TMPRSS13: variants seen among roughly 807,000 people sequenced by gnomAD.
TMPRSS13 encodes the protein transmembrane protease serine 13.
In TMPRSS13, 50 loss-of-function variants were observed where a neutral mutation model predicts 68.4. That is an observed-to-expected ratio of 0.73 (90% CI 0.58 to 0.93). The LOEUF (loss-of-function observed/expected upper bound fraction) is 0.93. TMPRSS13 is among the 40% of genes least tolerant of loss of function. The probability of loss-of-function intolerance (pLI) is 0.00; values close to 1 mark genes in which losing one functional copy is unlikely to be tolerated. For synonymous variants in TMPRSS13, 267 were observed against 285.8 expected (o/e 0.93, Z 0.66); for missense variants, 615 against 729.2 (o/e 0.84, Z 1.80).
chr11:117,918,888 C>T (rs763673372), intron 1 of TMPRSS13, 50 bp from the exon 2 acceptor site: 31 of 1,603,090 alleles, frequency 1.9e-5, no homozygotes, highest in Non-Finnish European at 2.6e-5. Context: ...TGCCAACCCA[C>T]CCCAGCTGTC....
At position 117,905,082 on chromosome 11, in the gene TMPRSS13, A is replaced by G. The variant is rs551497422; in HGVS notation, c.1381+556T>C. Among the ~76,000 whole-genome samples, 7 of 151,096 alleles carry G rather than the reference A, an allele frequency of 4.6e-5. 1 individual carries two copies. The highest frequency in any genetic ancestry group is 1.5e-4 in the African/African-American group (6 of 41,144). On this transcript the variant is annotated intron_variant, in intron 10 of 12. Transcript: ENST00000524993. ...GCTAATTTTTCTATTTTTTGTAGAG[A>G]TGGGGTTTTGCCATGATGCCCAGGC...
chr11:117,903,937 C>A, intron 11 of TMPRSS13, 22 bp downstream of exon 11: 1 of 1,608,010 alleles, frequency 6.2e-7, no homozygotes, highest in Admixed American at 1.7e-5. Context: ...GGGACCTGAG[C>A]CCCACCCACA....
rs768279245 is a variant in TMPRSS13 at position 117,913,874 on chromosome 11, T to C, written c.712A>G (p.Ile238Val). Residue 238 changes from isoleucine (I) to valine (V), a missense_variant, in exon 5 of 13, where the codon ATC (isoleucine) becomes GTC (valine). By Grantham distance (29) the Ile-to-Val change is conservative. Coordinates refer to ENST00000524993, the MANE Select transcript of TMPRSS13 (RefSeq NM_001077263.3). ...CACTGATGGGAGGACCCAGAGTAGATTTTAAGCAGAGACTTGTCCCAGTCA... is the reference window on the plus strand; with the variant it reads ...CACTGATGGGAGGACCCAGAGTAGACTTTAAGCAGAGACTTGTCCCAGTCA... ...RFDWDKSLLKIYSGSSHQWLP... is the reference protein window; with the variant it reads ...RFDWDKSLLKVYSGSSHQWLP... The C allele has an allele frequency of 3.0e-5, 48 of 1,613,894 alleles. No individual in the cohort carries two copies. The highest frequency in any genetic ancestry group is 1.8e-4 in the Admixed American group (11 of 60,006).
chr11:117,911,891 C>T lies in TMPRSS13; in HGVS notation c.810-31G>A, dbSNP rs369575036. ...AGGGAGCAGAGGGGAGAAGAATGAGCCCCCTGGAGACAGAGTCATCCCAAG... is the reference window on the plus strand; with the variant it reads ...AGGGAGCAGAGGGGAGAAGAATGAGTCCCCTGGAGACAGAGTCATCCCAAG... On this transcript the variant is annotated intron_variant, in intron 5 of 12. Coordinates refer to ENST00000524993, the MANE Select transcript of TMPRSS13 (RefSeq NM_001077263.3). The T allele has an allele frequency of 5.1e-6, 8 of 1,578,400 alleles. No individual in the cohort carries two copies. The African/African-American group carries it at 6.7e-5, about 13-fold the overall frequency.
intron 12 of TMPRSS13, chr11:117,903,260 G>T: frequency 7.7e-7 from 1 of 1,298,120 alleles, no homozygotes; most frequent in Non-Finnish European, 1.0e-6. Context: ...AAACAGAGCT[G>T]GGAAAGGCCA....
chr11:117,904,374 T>G (rs933439397), intron 10 of TMPRSS13, among the ~76,000 whole-genome samples: 1 of 152,234 alleles, frequency 6.6e-6, no homozygotes, highest in Admixed American at 6.5e-5. Context: ...CCTATCAGGC[T>G]ACCCGACATG....
In TMPRSS13 at chr11:117,905,689, G is replaced by A; in HGVS notation, c.1330C>T (p.Leu444Phe). Residue 444 changes from leucine to phenylalanine, a missense_variant, in exon 10 of 13, where the codon CTC (leucine) becomes TTC (phenylalanine). Coordinates refer to ENST00000524993, the MANE Select transcript of TMPRSS13 (RefSeq NM_001077263.3). ...CLPMHGQTFS[L>F]NETCWITGFG... is the part of the protein sequence containing the mutation. ...CCTGTGATCCAGCAGGTCTCATTGA[G>A]GCTAAAGGTCTGTCCATGCATGGGG... 2 of 1,606,670 alleles carry A rather than the reference G, an allele frequency of 1.2e-6. No individual in the cohort carries two copies. Among genetic ancestry groups the A allele is most frequent in the Non-Finnish European group, 1.7e-6 (2 of 1,175,806 alleles).
At position 117,914,520 on chromosome 11, in the gene TMPRSS13, GA is replaced by G; in HGVS notation, c.557-7del. Reference sequence around the variant, plus strand: ...GTGGCCCTGCCAGAACTGGACTAGAGAAAAAGAAGCAGACAGCTGGGTCATG... The same window carrying G: ...GTGGCCCTGCCAGAACTGGACTAGAGAAAAGAAGCAGACAGCTGGGTCATG... On this transcript the variant is annotated splice_polypyrimidine_tract_variant and splice_region_variant and intron_variant, in intron 3 of 12. Transcript: ENST00000524993. This position sits in a 1 kb window ranked among gnomAD's most constrained non-coding sequence, Gnocchi z 4.2. The G allele has an allele frequency of 6.2e-7, 1 of 1,613,714 alleles. No homozygotes were observed.
In TMPRSS13 at chr11:117,918,584, A is replaced by G; in HGVS notation, c.276T>C (p.Ala92=). ...ATGAGGACCTGGAAAGTGATGCCAG[A>G]GCCGGAGATGCCCGGGCTGGAGATG... ...AQASPARASP[A]LASLSRSSSG... is the part of the protein sequence containing the mutation. Residue 92 remains alanine (A), a synonymous_variant, in exon 2 of 13, where the codon GCT becomes GCC. Transcript: ENST00000524993. The G allele has an allele frequency of 1.9e-6, 3 of 1,613,366 alleles. No individual in the cohort carries two copies. Among genetic ancestry groups the G allele is most frequent in the Non-Finnish European group, 2.5e-6 (3 of 1,179,854 alleles).
chr11:117,916,410 C>T (rs563012969), intron 3 of TMPRSS13, among the ~76,000 whole-genome samples: 3 of 152,250 alleles, frequency 2.0e-5, no homozygotes, highest in African/African-American at 7.2e-5. Flanking sequence ...AGAAGCTATC[C>T]CCTGCATCCA....
Position 117,915,113 on chromosome 11 carries a change from A to G in TMPRSS13, c.557-599T>C, listed in dbSNP as rs958071995. On this transcript the variant is annotated intron_variant, in intron 3 of 12. Coordinates refer to ENST00000524993, the MANE Select transcript of TMPRSS13 (RefSeq NM_001077263.3). This position sits in a 1 kb window ranked among gnomAD's most constrained non-coding sequence, Gnocchi z 4.9. ...CTTTATGCCTTTAAATGTCTTTTCA[A>G]TCAACCAGCAATTCTAGGTGGCTGA... Among the ~76,000 whole-genome samples, 2 of 152,116 alleles carry G rather than the reference A, an allele frequency of 1.3e-5. No homozygotes were observed. Among genetic ancestry groups the G allele is most frequent in the African/African-American group, 4.8e-5 (2 of 41,408 alleles).
At chr11:117,913,998 C>T in intron 4 of TMPRSS13, 92 bp from the exon 5 acceptor site, 1 of 1,467,538 alleles carries the variant, frequency 6.8e-7, no homozygotes, top group South Asian at 1.3e-5. Flanking sequence ...TGAGAAAGCG[C>T]TTGTCCTGAC....
chr11:117,914,561 G>T lies in TMPRSS13; in HGVS notation c.557-47C>A. 32 of 1,609,696 alleles carry T rather than the reference G, an allele frequency of 2.0e-5. No homozygotes were observed. Among genetic ancestry groups the T allele is most frequent in the Non-Finnish European group, 2.6e-5 (31 of 1,179,330 alleles). On this transcript the variant is annotated intron_variant, in intron 3 of 12. Coordinates refer to ENST00000524993, the MANE Select transcript of TMPRSS13 (RefSeq NM_001077263.3). This position sits in a 1 kb window ranked among gnomAD's most constrained non-coding sequence, Gnocchi z 4.2. ...GCTGGGTCATGGCCAGCCCCACTGA[G>T]ATGAGACACTGAGCAGCCCAAGGAC...
rs1240933390 is a variant in TMPRSS13, at chr11:117,922,687, G to A, written c.22-3849C>T. Among the ~76,000 whole-genome samples, 1 of 152,200 alleles carries A rather than the reference G, an allele frequency of 6.6e-6. No individual in the cohort carries two copies. Among genetic ancestry groups the A allele is most frequent in the African/African-American group, 2.4e-5 (1 of 41,454 alleles). On this transcript the variant is annotated intron_variant, in intron 1 of 12. Transcript: ENST00000524993. This position sits in a 1 kb window ranked among gnomAD's most constrained non-coding sequence, Gnocchi z 4.2. Reference sequence around the variant, plus strand: ...CTGGTGTCTCCACAACCTGCCTGCAGACCAAAGGCTTCTCAGCCTGCTCAG... The same window carrying A: ...CTGGTGTCTCCACAACCTGCCTGCAAACCAAAGGCTTCTCAGCCTGCTCAG...
intron 1 of TMPRSS13, among the ~76,000 whole-genome samples, chr11:117,928,927 A>G (rs1014414433): frequency 2.0e-5 from 3 of 152,148 alleles, no homozygotes; most frequent in Non-Finnish European, 4.4e-5. Flanking sequence ...AGCAAAAATG[A>G]GATTAAAGTA....
At position 117,918,630 on chromosome 11, in the gene TMPRSS13, G is replaced by C. The variant is rs61900347; in HGVS notation, c.230C>G (p.Ala77Gly). The C allele has an allele frequency of 5.7e-4, 301 of 531,518 alleles. No homozygotes were observed. In the East Asian group the frequency reaches 6.0e-3, roughly 11 times the overall value. 32.9% of individuals were successfully genotyped at this position (531,518 alleles called of 1,614,324 possible). A position where few individuals can be genotyped will look rare whatever the true frequency, so the allele number is the denominator to read the frequency against. ...GRASPGRASP[A>G]QASPAQASPA... ...AGATGCCTGGGCTGGAGATGCCTGG[G>C]CTGGAGATGCCCGGCCTGGAGATGC... The change falls in exon 2 of 13, where the codon GCC becomes GGC. Residue 77 changes from alanine (A) to glycine (G), a missense_variant. Physicochemically the swap from Ala to Gly is moderately conservative, Grantham distance 60. Transcript: ENST00000524993.
chr11:117,905,503 C>G (rs915335728), intron 10 of TMPRSS13, 135 bp downstream of exon 10: 1 of 640,178 alleles, frequency 1.6e-6, no homozygotes, highest in African/African-American at 1.8e-5. Flanking sequence ...CACCCAGGCC[C>G]ATGAATCCGT....
At position 117,918,424 on chromosome 11, in the gene TMPRSS13, T is replaced by C; in HGVS notation, c.436A>G (p.Thr146Ala). 3 of 1,613,594 alleles carry C rather than the reference T, an allele frequency of 1.9e-6. No individual in the cohort carries two copies. The highest frequency in any genetic ancestry group is 4.5e-5 in the East Asian group (2 of 44,874). The change falls in exon 2 of 13, where the codon ACC becomes GCC. Residue 146 changes from threonine (T) to alanine (A), a missense_variant. Coordinates refer to ENST00000524993, the MANE Select transcript of TMPRSS13 (RefSeq NM_001077263.3). Reference sequence around the variant, plus strand: ...TCCCCCTTACCTGGGCTCTCCCTGGTGGCCCTGGTTGCTGGTGCTGACCTG... The same window carrying C: ...TCCCCCTTACCTGGGCTCTCCCTGGCGGCCCTGGTTGCTGGTGCTGACCTG... The part of the protein sequence containing the change: ...PARSAPATRA[T>A]RESPGTSLPK...
chr11:117,908,696 T>A lies in TMPRSS13; in HGVS notation c.1198A>T (p.Ile400Phe), dbSNP rs1164925126. 4 of 1,604,218 alleles carry A rather than the reference T, an allele frequency of 2.5e-6. No individual in the cohort carries two copies. The highest frequency in any genetic ancestry group is 3.4e-6 in the Non-Finnish European group (4 of 1,176,402). Residue 400 changes from isoleucine (I) to phenylalanine (F), a missense_variant, in exon 9 of 13, where the codon ATC becomes TTC. Transcript: ENST00000524993. Reference protein sequence around the residue: ...QLPEAASIAEIIINSNYTDEE... With the variant: ...QLPEAASIAEFIINSNYTDEE... The stretch of plus-strand genomic sequence containing the variant: ...TCGGTGTAATTGCTGTTGATGATGA[T>A]CTCGGCAATGGAGGCTGCCTCAGGC...
Sources: gnomAD v4.1 joint callset for allele counts (sites outside exome capture counted in the v4.1 genomes callset) on GRCh38, gnomAD v4.1.1 for gene constraint, Gnocchi (gnomAD v3.1) non-coding constraint, MANE v1.5 for transcripts, NCBI Gene and HGNC (gene_info 2026-07-23, HGNC 2026-07-21) for gene names.